TLN2: variants seen among roughly 807,000 people sequenced by gnomAD.
TLN2 encodes the protein talin-2.
Under a neutral mutation model 294.7 loss-of-function variants are expected in TLN2, and 118 were observed. The observed-to-expected ratio is 0.40, with a 90% CI of 0.34 to 0.47. The LOEUF (loss-of-function observed/expected upper bound fraction) is 0.47, where lower values mean the gene tolerates loss of function less well. Ranked by LOEUF, TLN2 falls within the 20% of genes least tolerant of loss-of-function variation. TLN2 has a pLI of 0.84. For synonymous variants in TLN2, 1,431 were observed against 1,304.5 expected (o/e 1.10, Z -2.09); for missense variants, 3,083 against 3,282.2 (o/e 0.94, Z 1.48).
In TLN2 at chr15:62,796,277, A is replaced by T; in HGVS notation, c.6034A>T (p.Thr2012Ser). Reference sequence around the variant, plus strand: ...GACGCTGAATGCAGAGAACAGTGAGACCTTCGCAGACCACAGGTACGTGGG... The same window carrying T: ...GACGCTGAATGCAGAGAACAGTGAGTCCTTCGCAGACCACAGGTACGTGGG... ...AGTLNAENSE[T>S]FADHRENILK... Residue 2012 changes from threonine to serine, a missense_variant, in exon 47 of 59, where the codon ACC (threonine) becomes TCC (serine). Transcript: ENST00000636159. 6.2e-7 allele frequency: 1 copy of T among 1,613,854 alleles called. No homozygotes were observed. Among genetic ancestry groups the T allele is most frequent in the East Asian group, 2.2e-5 (1 of 44,884 alleles).
intron 50 of TLN2, among the ~76,000 whole-genome samples, chr15:62,803,402 C>T (rs2066062436): frequency 6.6e-6 from 1 of 152,166 alleles, no homozygotes; most frequent in Non-Finnish European, 1.5e-5. Context: ...AAACTTTCTA[C>T]CCCATCTCTT....
At chr15:62,434,666 C>T (rs1442432700) in intron 1 of TLN2, among the ~76,000 whole-genome samples, 5 of 152,282 alleles carry the variant, frequency 3.3e-5, no homozygotes, top group African/African-American at 1.2e-4. Flanking sequence ...GGAGTCCTCG[C>T]CAACACAGTG....
intron 1 of TLN2, among the ~76,000 whole-genome samples, chr15:62,519,416 G>A (rs1292857463): frequency 6.6e-6 from 1 of 152,112 alleles, no homozygotes; most frequent in Non-Finnish European, 1.5e-5. Context: ...TATCCCTGGT[G>A]GCTCATAAAT....
At chr15:62,466,620 G>T (rs1275058880) in intron 1 of TLN2, among the ~76,000 whole-genome samples, 1 of 152,218 alleles carries the variant, frequency 6.6e-6, no homozygotes, top group African/African-American at 2.4e-5. Flanking sequence ...ATATTAGCAT[G>T]ATCCCTTTTC....
chr15:62,523,714 G>A (rs948247434), intron 1 of TLN2, among the ~76,000 whole-genome samples: 13 of 152,078 alleles, frequency 8.5e-5, no homozygotes, highest in Non-Finnish European at 1.5e-5. Flanking sequence ...TTCACAACTT[G>A]GAAAGTACAT....
intron 27 of TLN2, among the ~76,000 whole-genome samples, chr15:62,725,532 C>T (rs946120445): frequency 4.6e-5 from 7 of 152,138 alleles, no homozygotes; most frequent in Non-Finnish European, 1.0e-4. Context: ...CTACTGTGGT[C>T]GTATTACCAC....
intron 1 of TLN2, among the ~76,000 whole-genome samples, chr15:62,462,902 A>T (rs1003362018): frequency 6.6e-6 from 1 of 152,134 alleles, no homozygotes; most frequent in Non-Finnish European, 1.5e-5. Context: ...ATCTCTCCTG[A>T]CCGCACAGCT....
intron 54 of TLN2, chr15:62,827,574 G>C (rs149234371): frequency 6.6e-6 from 1 of 152,188 alleles, no homozygotes; most frequent in Non-Finnish European, 1.5e-5. Context: ...ACTCCTGGTT[G>C]GGTGCTGAGA....
chr15:62,728,863 C>G (rs1183822391), intron 28 of TLN2, among the ~76,000 whole-genome samples: 1 of 151,962 alleles, frequency 6.6e-6, no homozygotes, highest in Non-Finnish European at 1.5e-5. Context: ...TTAATATATT[C>G]CAATTTATAC....
At chr15:62,803,644 G>A (rs1039115471) in intron 50 of TLN2, among the ~76,000 whole-genome samples, 1 of 152,156 alleles carries the variant, frequency 6.6e-6, no homozygotes, top group African/African-American at 2.4e-5. Flanking sequence ...CAGAATATCT[G>A]CTTGATTCTT....
chr15:62,619,424 A>T (rs927277606), intron 3 of TLN2, among the ~76,000 whole-genome samples: 1 of 152,218 alleles, frequency 6.6e-6, no homozygotes, highest in Non-Finnish European at 1.5e-5. Context: ...TGATAATTCT[A>T]CAGAAAGTAT....
At chr15:62,628,223 T>C (rs2049456613) in intron 3 of TLN2, among the ~76,000 whole-genome samples, 1 of 152,260 alleles carries the variant, frequency 6.6e-6, no homozygotes, top group Non-Finnish European at 1.5e-5. Flanking sequence ...CCTTTACTAG[T>C]AACTCACTGT....
chr15:62,726,410 A>G (rs1350776164), intron 27 of TLN2, among the ~76,000 whole-genome samples: 3 of 152,168 alleles, frequency 2.0e-5, no homozygotes, highest in Non-Finnish European at 2.9e-5. Flanking sequence ...TCATCTAGTA[A>G]TCAAATAATT....
chr15:62,509,229 C>T (rs2039800284), intron 1 of TLN2, among the ~76,000 whole-genome samples: 1 of 152,108 alleles, frequency 6.6e-6, no homozygotes, highest in African/African-American at 2.4e-5. Context: ...CTTGGACTAG[C>T]TACTTCATAA....
intron 5 of TLN2, among the ~76,000 whole-genome samples, chr15:62,651,171 T>C (rs1423767975): frequency 6.6e-6 from 1 of 152,228 alleles, no homozygotes; most frequent in Non-Finnish European, 1.5e-5. Flanking sequence ...AACAGGCAAG[T>C]AGTCACCTCC....
intron 37 of TLN2, among the ~76,000 whole-genome samples, chr15:62,758,109 G>A (rs986414242): frequency 6.6e-6 from 1 of 152,058 alleles, no homozygotes; most frequent in Non-Finnish European, 1.5e-5. Context: ...TTTTAACCAT[G>A]AGGATGTGCC....
rs1169317999 is a variant in TLN2 at position 62,697,986 on chromosome 15, A to G, written c.1473+118A>G. On this transcript the variant is annotated intron_variant, in intron 15 of 58. Transcript: ENST00000636159. ...ACGCTCTCTATTTCCCGGCTGAACC[A>G]TGCCTCGTTCAGCTGTGCATTTTTT... The G allele has an allele frequency of 6.2e-6, 8 of 1,295,174 alleles. 1 individual carries two copies. Among genetic ancestry groups the G allele is most frequent in the East Asian group, 2.6e-5 (1 of 38,156 alleles). 80.2% of individuals were successfully genotyped at this position (1,295,174 alleles called of 1,614,324 possible).
intron 1 of TLN2, among the ~76,000 whole-genome samples, chr15:62,496,194 G>A (rs924883614): frequency 2.6e-5 from 4 of 152,186 alleles, no homozygotes; most frequent in Non-Finnish European, 5.9e-5. Context: ...CTGACTCACT[G>A]TTCCCATGGA....
At chr15:62,564,923 A>AT (rs1442472632) in intron 1 of TLN2, among the ~76,000 whole-genome samples, 1,713 of 101,902 alleles carry the variant, frequency 0.017, 16 homozygotes, top group Middle Eastern at 0.028. Context: ...AAAAAAAAAA[A>AT]AAATATATAT....
Sources: allele counts gnomAD v4.1 joint callset (sites outside exome capture counted in the v4.1 genomes callset), GRCh38; gene constraint gnomAD v4.1.1; transcripts MANE v1.5; gene names NCBI Gene and HGNC (gene_info 2026-07-23, HGNC 2026-07-21).